NALF1: variants seen among roughly 807,000 people sequenced by gnomAD.
NALF1 encodes the protein NALCN channel auxiliary factor 1.
NALF1 carries 3 observed loss-of-function variants against 48.4 expected under a neutral mutation model. The ratio of observed to expected loss-of-function variants is 0.06; its 90% CI spans 0.03 to 0.16. NALF1 has a LOEUF of 0.16. NALF1 is among the 10% of genes least tolerant of loss of function. The pLI, the probability that NALF1 is intolerant of heterozygous loss-of-function variation, is 1.00. For missense variants in NALF1, 526 were observed against 571.5 expected, an observed-to-expected ratio of 0.92 and a Z score of 0.81; for synonymous variants, 262 against 245.7, an observed-to-expected ratio of 1.07 and a Z score of -0.62.
At chr13:107,592,608 TA>T (rs1485430695) in intron 1 of NALF1, among the ~76,000 whole-genome samples, 1 of 151,830 alleles carries the variant, frequency 6.6e-6, no homozygotes, top group Non-Finnish European at 1.5e-5. Flanking sequence ...CATGGCAAAA[TA>T]ACAGAATGCC....
At chr13:107,578,278 C>T (rs963107383) in intron 1 of NALF1, among the ~76,000 whole-genome samples, 2 of 117,060 alleles carry the variant, frequency 1.7e-5, no homozygotes, top group African/African-American at 7.4e-5. Context: ...AGCACAGTAC[C>T]CTGTTCTCTC....
intron 1 of NALF1, among the ~76,000 whole-genome samples, chr13:107,812,151 C>T (rs118026198): frequency 0.022 from 3,400 of 152,184 alleles, 111 homozygotes; most frequent in Non-Finnish European, 0.025. Context: ...AAAACTAAAG[C>T]TTCATTCATT....
chr13:107,405,769 TA>T (rs890820404), intron 1 of NALF1, among the ~76,000 whole-genome samples: 7 of 151,946 alleles, frequency 4.6e-5, no homozygotes, highest in African/African-American at 1.4e-4. Flanking sequence ...TCTTATGTGT[TA>T]AAAAAAACTA....
At chr13:107,188,766 T>C (rs1257131768) in intron 2 of NALF1, among the ~76,000 whole-genome samples, 1 of 152,172 alleles carries the variant, frequency 6.6e-6, no homozygotes, top group African/African-American at 2.4e-5. Context: ...ATGAACAATA[T>C]ATATTTGTTT....
At chr13:107,650,623 G>A (rs1025897390) in intron 1 of NALF1, among the ~76,000 whole-genome samples, 33 of 151,986 alleles carry the variant, frequency 2.2e-4, no homozygotes, top group African/African-American at 7.7e-4. Flanking sequence ...CAAATATGGT[G>A]TGGTGTATAC....
chr13:107,632,019 A>G (rs1287439241), intron 1 of NALF1, among the ~76,000 whole-genome samples: 3 of 152,208 alleles, frequency 2.0e-5, no homozygotes, highest in African/African-American at 7.2e-5. Context: ...CATAGTCTAC[A>G]AAGTATAAAT....
intron 1 of NALF1, among the ~76,000 whole-genome samples, chr13:107,523,898 TAA>T (rs1406071036): frequency 1.3e-5 from 2 of 152,278 alleles, no homozygotes; most frequent in East Asian, 3.9e-4. Flanking sequence ...ATTTTCATTT[TAA>T]AATATAATAA....
intron 1 of NALF1, among the ~76,000 whole-genome samples, chr13:107,578,667 A>G (rs1051612415): frequency 6.6e-6 from 1 of 152,122 alleles, no homozygotes; most frequent in Non-Finnish European, 1.5e-5. Context: ...TATGAATCTT[A>G]TTTATTTTTA....
At chr13:107,480,936 C>T (rs928776493) in intron 1 of NALF1, among the ~76,000 whole-genome samples, 4 of 151,950 alleles carry the variant, frequency 2.6e-5, no homozygotes, top group Non-Finnish European at 4.4e-5. Flanking sequence ...CTACGAAACC[C>T]ACTAAAATCT....
intron 1 of NALF1, among the ~76,000 whole-genome samples, chr13:107,511,772 C>T (rs908314046): frequency 1.6e-4 from 25 of 152,164 alleles, no homozygotes; most frequent in Admixed American, 5.2e-4. Context: ...TGTTTCATTT[C>T]GTATGTTAAA....
At chr13:107,465,584 G>A (rs1884989361) in intron 1 of NALF1, among the ~76,000 whole-genome samples, 2 of 152,096 alleles carry the variant, frequency 1.3e-5, no homozygotes, top group African/African-American at 4.8e-5. Context: ...TATGTAATGA[G>A]CTTCATTTTC....
In NALF1 at chr13:107,696,600, T is replaced by C. The variant is rs571651031; in HGVS notation, c.915+169082A>G. On this transcript the variant is annotated intron_variant, in intron 1 of 2. Transcript: ENST00000375915. ...TGTGTGTGTGTGTGTATTTCTCTTA[T>C]ATACATTTGTGTGTATATACACAAA... 2.3e-4 allele frequency among the ~76,000 whole-genome samples: 35 copies of C among 152,050 alleles called. 1 individual carries two copies. The East Asian group carries it at 4.8e-3, about 21-fold the overall frequency.
rs75717842 is a variant in NALF1 at position 107,528,133 on chromosome 13, A to C, written c.916-317378T>G. ...GTCAATTATTTGGTAAAGATAACTG[A>C]AAATGGTCTCTGCAATTAATCTGGA... On this transcript the variant is annotated intron_variant, in intron 1 of 2. Transcript: ENST00000375915. Among the ~76,000 whole-genome samples the C allele has an allele frequency of 2.0e-3, 297 of 152,280 alleles. 2 individuals are homozygous for C. The highest frequency in any genetic ancestry group is 6.9e-3 in the African/African-American group (285 of 41,574).
intron 1 of NALF1, among the ~76,000 whole-genome samples, chr13:107,236,687 A>G (rs61965576): frequency 0.04 from 5,144 of 129,862 alleles, 84 homozygotes; most frequent in East Asian, 0.074. Context: ...CTATCTATCT[A>G]TCTATCTATC....
chr13:107,734,099 G>A (rs964193143), intron 1 of NALF1, among the ~76,000 whole-genome samples: 3 of 152,076 alleles, frequency 2.0e-5, no homozygotes, highest in African/African-American at 4.8e-5. Flanking sequence ...GTTGCACTAC[G>A]GTGTTATGAC....
chr13:107,623,382 G>A (rs773950728), intron 1 of NALF1, among the ~76,000 whole-genome samples: 1 of 151,398 alleles, frequency 6.6e-6, no homozygotes, highest in Non-Finnish European at 1.5e-5. Flanking sequence ...GTTATTTAAG[G>A]TGACAGTTAC....
chr13:107,326,197 A>C (rs1882361884), intron 1 of NALF1, among the ~76,000 whole-genome samples: 1 of 151,914 alleles, frequency 6.6e-6, no homozygotes, highest in Non-Finnish European at 1.5e-5. Context: ...ATAATATAAA[A>C]TCTGGAAAAA....
At chr13:107,594,581 A>G (rs1446122297) in intron 1 of NALF1, among the ~76,000 whole-genome samples, 2 of 152,072 alleles carry the variant, frequency 1.3e-5, no homozygotes, top group South Asian at 4.1e-4. Context: ...AAGAAACCTA[A>G]AACAAATACT....
intron 1 of NALF1, among the ~76,000 whole-genome samples, chr13:107,613,838 C>T (rs563740277): frequency 4.6e-4 from 69 of 150,726 alleles, no homozygotes; most frequent in African/African-American, 1.5e-3. Context: ...TCTTATTGGG[C>T]AGAAAATGGA....
Sources: gnomAD v4.1 joint callset for allele counts (sites outside exome capture counted in the v4.1 genomes callset) on GRCh38, gnomAD v4.1.1 for gene constraint, MANE v1.5 for transcripts, NCBI Gene and HGNC (gene_info 2026-07-23, HGNC 2026-07-21) for gene names.